CFAP54: variants seen among roughly 807,000 people sequenced by gnomAD.
The protein encoded by CFAP54 is cilia- and flagella-associated protein 54.
A neutral mutation model predicts 370.4 loss-of-function variants in CFAP54; 290 were observed. The observed-to-expected ratio is 0.78, with a 90% CI of 0.71 to 0.86. The LOEUF is 0.86. Among genes scored for constraint, CFAP54 ranks in the 40% least tolerant of loss-of-function variants. CFAP54 has a pLI of 0.00. For synonymous variants in CFAP54, 1,206 were observed against 1,236.5 expected (o/e 0.98, Z 0.52); for missense variants, 3,399 against 3,528.7 (o/e 0.96, Z 0.93).
At position 96,651,808 on chromosome 12, in the gene CFAP54, C is replaced by A. The variant is rs752784943; in HGVS notation, c.5093C>A (p.Ser1698Tyr). The A allele has an allele frequency of 6.4e-7, 1 of 1,567,648 alleles. No homozygotes were observed. Among genetic ancestry groups the A allele is most frequent in the Admixed American group, 1.7e-5 (1 of 59,692 alleles). ...DMLIQLQNTS[S>Y]IKPIEDKGEF... is the part of the protein sequence containing the mutation. The stretch of plus-strand genomic sequence containing the variant: ...TTAATACAACTACAAAATACCAGTT[C>A]TATTAAGGTAAAGACACTTTGGTAA... The change falls in exon 36 of 68, where the codon TCT becomes TAT. Residue 1698 changes from serine to tyrosine, a missense_variant. Ser to Tyr is a moderately radical substitution (Grantham distance 144, BLOSUM62 -2). Transcript: ENST00000524981.
intron 20 of CFAP54, 93 bp downstream of exon 20, chr12:96,576,854 G>A (rs1253625255): frequency 9.5e-7 from 1 of 1,053,460 alleles, no homozygotes; most frequent in Non-Finnish European, 1.3e-6. Flanking sequence ...TTTAGGAACT[G>A]GATAGTCTTA....
intron 67 of CFAP54, among the ~76,000 whole-genome samples, chr12:96,874,063 C>G (rs989388966): frequency 6.6e-6 from 1 of 152,188 alleles, no homozygotes; most frequent in African/African-American, 2.4e-5. Flanking sequence ...TATTTTATCT[C>G]CAACCCAGAG....
At chr12:96,580,844 G>T (rs1378568827) in intron 21 of CFAP54, 76 bp from the exon 22 acceptor site, 1 of 1,196,960 alleles carries the variant, frequency 8.4e-7, no homozygotes. Context: ...TTAATAGAAG[G>T]TTTACTTAAT....
At chr12:96,613,424 T>C (rs1176750573) in intron 26 of CFAP54, among the ~76,000 whole-genome samples, 5 of 152,036 alleles carry the variant, frequency 3.3e-5, no homozygotes, top group Non-Finnish European at 7.4e-5. Context: ...GCAGGAAAGA[T>C]CTAAAATTGA....
intron 13 of CFAP54, 26 bp downstream of exon 13, chr12:96,538,544 G>T (rs559627240): frequency 4.6e-6 from 7 of 1,529,170 alleles, no homozygotes; most frequent in Non-Finnish European, 5.2e-6. Context: ...TCCCTTTCAC[G>T]TGTTTTTTTT....
intron 26 of CFAP54, among the ~76,000 whole-genome samples, chr12:96,609,786 G>C (rs1268350280): frequency 6.6e-6 from 1 of 152,038 alleles, no homozygotes; most frequent in Non-Finnish European, 1.5e-5. Flanking sequence ...AATGGAGAGG[G>C]TAAGATATAC....
chr12:96,610,305 A>T (rs1470798635), intron 26 of CFAP54, among the ~76,000 whole-genome samples: 1 of 152,232 alleles, frequency 6.6e-6, no homozygotes, highest in African/African-American at 2.4e-5. Flanking sequence ...TCATGCCATA[A>T]ACAAAATGAA....
At chr12:96,690,049 C>T (rs562333364) in intron 43 of CFAP54, among the ~76,000 whole-genome samples, 6 of 152,296 alleles carry the variant, frequency 3.9e-5, no homozygotes, top group African/African-American at 7.2e-5. Context: ...CTTCTTACGT[C>T]GCATTCTTTA....
intron 67 of CFAP54, among the ~76,000 whole-genome samples, chr12:96,863,220 T>A (rs554589840): frequency 2.6e-5 from 4 of 152,012 alleles, no homozygotes; most frequent in Admixed American, 1.3e-4. Context: ...AAGATGGCAC[T>A]ATGGAGTTCT....
At chr12:96,614,491 A>G (rs1956394666) in intron 26 of CFAP54, among the ~76,000 whole-genome samples, 1 of 152,228 alleles carries the variant, frequency 6.6e-6, no homozygotes, top group Admixed American at 6.5e-5. Context: ...CCTATTCAAC[A>G]TAGTGTTGGA....
At chr12:96,641,984 C>T (rs1642993) in intron 32 of CFAP54, among the ~76,000 whole-genome samples, 14,287 of 150,010 alleles carry the variant, frequency 0.095, 846 homozygotes, top group South Asian at 0.24. Flanking sequence ...TGTTAAATGA[C>T]GAGTTAATGG....
chr12:96,720,815 A>C (rs1957742297), intron 50 of CFAP54, among the ~76,000 whole-genome samples: 1 of 152,140 alleles, frequency 6.6e-6, no homozygotes, highest in African/African-American at 2.4e-5. Flanking sequence ...TGAGGCCAGG[A>C]GTTGGAGACC....
chr12:96,836,901 C>T (rs1028433849), intron 66 of CFAP54, among the ~76,000 whole-genome samples: 1 of 152,084 alleles, frequency 6.6e-6, no homozygotes, highest in Non-Finnish European at 1.5e-5. Context: ...GATTATAGCT[C>T]CCTTTAACTT....
At chr12:96,814,537 C>T (rs1306641518) in intron 64 of CFAP54, among the ~76,000 whole-genome samples, 1 of 152,124 alleles carries the variant, frequency 6.6e-6, no homozygotes, top group East Asian at 1.9e-4. Context: ...TGGAGATGAC[C>T]TATTGTTTTT....
chr12:96,572,450 T>TA (rs1313564487), intron 19 of CFAP54, among the ~76,000 whole-genome samples: 1 of 151,916 alleles, frequency 6.6e-6, no homozygotes, highest in Non-Finnish European at 1.5e-5. Context: ...TTTTTTTTTT[T>TA]ATGGTTTCAG....
At chr12:96,564,206 A>G (rs1955841614) in intron 17 of CFAP54, among the ~76,000 whole-genome samples, 1 of 152,204 alleles carries the variant, frequency 6.6e-6, no homozygotes, top group Non-Finnish European at 1.5e-5. Context: ...AATCCTCAGG[A>G]TGACTTTATT....
intron 58 of CFAP54, among the ~76,000 whole-genome samples, chr12:96,759,280 T>C (rs1958306479): frequency 7.3e-6 from 1 of 137,016 alleles, no homozygotes; most frequent in Admixed American, 7.2e-5. Flanking sequence ...ACATGTTTAT[T>C]TCCAGTAACA....
At chr12:96,747,010 T>C (rs1958122456) in intron 55 of CFAP54, among the ~76,000 whole-genome samples, 1 of 152,230 alleles carries the variant, frequency 6.6e-6, no homozygotes. Flanking sequence ...ATTGTAATGC[T>C]TACCATGTTG....
At chr12:96,492,703 T>C (rs1216147253) in intron 1 of CFAP54, among the ~76,000 whole-genome samples, 1 of 152,182 alleles carries the variant, frequency 6.6e-6, no homozygotes, top group Non-Finnish European at 1.5e-5. Context: ...TCAAGAGTTA[T>C]TATCCTTGGC....
Sources: gnomAD v4.1 joint callset for allele counts (sites outside exome capture counted in the v4.1 genomes callset) on GRCh38, gnomAD v4.1.1 for gene constraint, MANE v1.5 for transcripts, NCBI Gene and HGNC (gene_info 2026-07-23, HGNC 2026-07-21) for gene names.